Variants in LATS2 observed in about 807,000 individuals in gnomAD.
LATS2 encodes serine/threonine-protein kinase LATS2.
A neutral mutation model predicts 76.0 loss-of-function variants in LATS2; 24 were observed. The ratio of observed to expected loss-of-function variants is 0.32; its 90% CI spans 0.23 to 0.44. The LOEUF (loss-of-function observed/expected upper bound fraction) is 0.44. Among genes scored for constraint, LATS2 ranks in the 20% least tolerant of loss-of-function variants. The probability of loss-of-function intolerance (pLI) is 1.00; values close to 1 mark genes in which losing one functional copy is unlikely to be tolerated. For synonymous variants in LATS2, 692 were observed against 635.4 expected (o/e 1.09, Z -1.34); for missense variants, 1,286 against 1,481.2 (o/e 0.87, Z 2.16).
At chr13:20,992,720 G>A (rs1481540958) in intron 2 of LATS2, among the ~76,000 whole-genome samples, 1 of 152,164 alleles carries the variant, frequency 6.6e-6, no homozygotes, top group Non-Finnish European at 1.5e-5. Context: ...GGAGTCCACA[G>A]TTACCCAGAC....
chr13:21,045,775 C>A lies in LATS2; in HGVS notation c.252G>T (p.Leu84Phe). The A allele has an allele frequency of 6.2e-7, 1 of 1,614,224 alleles. No individual in the cohort carries two copies. The highest frequency in any genetic ancestry group is 8.5e-7 in the Non-Finnish European group (1 of 1,180,028). The change falls in exon 2 of 8, where the codon TTG (leucine) becomes TTT (phenylalanine). Residue 84 changes from leucine (L) to phenylalanine (F), a missense_variant. Physicochemically the swap from Leu to Phe is conservative, Grantham distance 22. This residue lies in a region of LATS2 where 101 missense variants were observed against 141.4 expected (regional missense o/e 0.71). Coordinates refer to ENST00000382592, the MANE Select transcript of LATS2 (RefSeq NM_014572.3). ...TGCCCGATTCATTAGCAAAAGGCAA[C>A]AAGGAATATCTGATTTCCCTCAAGG... ...QKALREIRYS[L>F]LPFANESGTS...
chr13:21,058,649 A>G (rs1200081426), intron 1 of LATS2, among the ~76,000 whole-genome samples: 1 of 152,240 alleles, frequency 6.6e-6, no homozygotes, highest in African/African-American at 2.4e-5. Flanking sequence ...CTATAATTCA[A>G]TGATTCTAGT....
rs373077961 is a variant in LATS2, at chr13:21,030,612, G to GAAAA, written c.342+15069_342+15072dup. 3.4e-4 allele frequency among the ~76,000 whole-genome samples: 42 copies of GAAAA among 123,930 alleles called. 5 individuals carry two copies. The highest frequency in any genetic ancestry group is 4.8e-3 in the Middle Eastern group (1 of 210). The allele number at this position is 123,930 out of a possible 152,430, so 81.3% of individuals were successfully genotyped here. On this transcript the variant is annotated intron_variant, in intron 2 of 7. Coordinates refer to ENST00000382592, the MANE Select transcript of LATS2 (RefSeq NM_014572.3). Reference sequence around the variant, plus strand: ...GTCTCAAAAAAAAAAAAAAAAAAAAGAAAAAAAAAAAGAAAAAGAACTCTA... The same window carrying GAAAA: ...GTCTCAAAAAAAAAAAAAAAAAAAAGAAAAAAAAAAAAAAAGAAAAAGAACTCTA...
chr13:21,019,429 C>T (rs1483922657), intron 2 of LATS2, among the ~76,000 whole-genome samples: 4 of 149,112 alleles, frequency 2.7e-5, no homozygotes, highest in Non-Finnish European at 4.4e-5. Context: ...CGGGTTCAAG[C>T]GATTCTCCTG....
chr13:21,020,439 T>G (rs1208386672), intron 2 of LATS2, among the ~76,000 whole-genome samples: 1 of 152,236 alleles, frequency 6.6e-6, no homozygotes, highest in Non-Finnish European at 1.5e-5. Context: ...CAGGGCAATT[T>G]ACCCAGGAAA....
At chr13:21,023,679 AAAAAC>A (rs1182874489) in intron 2 of LATS2, among the ~76,000 whole-genome samples, 262 of 6,114 alleles carry the variant, frequency 0.043, 70 homozygotes, top group South Asian at 0.11. Context: ...AAAAAAAAAA[AAAAAC>A]AAACCTCGGC....
intron 2 of LATS2, among the ~76,000 whole-genome samples, chr13:21,030,513 T>C (rs1595246305): frequency 7.3e-6 from 1 of 136,876 alleles, no homozygotes; most frequent in Admixed American, 8.4e-5. Context: ...GGCGTGAACC[T>C]GGGAAGCGGA....
At chr13:20,995,553 A>T (rs1870715307) in intron 2 of LATS2, among the ~76,000 whole-genome samples, 1 of 152,204 alleles carries the variant, frequency 6.6e-6, no homozygotes, top group Admixed American at 6.5e-5. Context: ...TGATTGAGTG[A>T]GTGACTGAGT....
intron 2 of LATS2, among the ~76,000 whole-genome samples, chr13:21,039,482 T>C (rs1872792326): frequency 1.3e-5 from 2 of 152,198 alleles, no homozygotes; most frequent in Admixed American, 6.5e-5. Context: ...GTGATGCATA[T>C]TGTTAGAATT....
intron 2 of LATS2, among the ~76,000 whole-genome samples, chr13:21,003,044 T>C (rs1188354625): frequency 6.6e-6 from 1 of 152,148 alleles, no homozygotes; most frequent in Non-Finnish European, 1.5e-5. Flanking sequence ...TCCTCAGTTT[T>C]TGTCCAAATA....
intron 2 of LATS2, among the ~76,000 whole-genome samples, chr13:21,015,674 C>G (rs889972650): frequency 2.0e-5 from 3 of 152,134 alleles, no homozygotes; most frequent in Non-Finnish European, 4.4e-5. Context: ...CCATTTACCT[C>G]TTTATATCAG....
At chr13:20,992,987 G>A (rs1870572599) in intron 2 of LATS2, among the ~76,000 whole-genome samples, 1 of 137,782 alleles carries the variant, frequency 7.3e-6, no homozygotes, top group Non-Finnish European at 1.5e-5. Context: ...AGTGAGCCGA[G>A]ATCACGCCAC....
intron 4 of LATS2, among the ~76,000 whole-genome samples, chr13:20,987,273 G>A (rs1218361198): frequency 2.6e-5 from 4 of 151,768 alleles, no homozygotes; most frequent in South Asian, 2.1e-4. Flanking sequence ...CAGTGAATAC[G>A]GGACACTGAA....
chr13:21,038,122 C>T (rs1412196927), intron 2 of LATS2, among the ~76,000 whole-genome samples: 2 of 152,058 alleles, frequency 1.3e-5, no homozygotes, highest in African/African-American at 4.8e-5. Flanking sequence ...CGAAACAAAA[C>T]AAATCAGACT....
At chr13:21,061,226 C>A (rs1246940970) in intron 1 of LATS2, 120 bp downstream of exon 1, 2 of 151,968 alleles carry the variant, frequency 1.3e-5, no homozygotes, top group Non-Finnish European at 2.9e-5. Flanking sequence ...CCCCGCCGGG[C>A]GCCCTTCCCG....
intron 2 of LATS2, among the ~76,000 whole-genome samples, chr13:21,007,767 T>A (rs1348135862): frequency 2.4e-4 from 13 of 54,506 alleles, no homozygotes; most frequent in African/African-American, 8.8e-4. Flanking sequence ...TATATTTTTT[T>A]TTTTTTTTTG....
intron 2 of LATS2, among the ~76,000 whole-genome samples, chr13:21,018,609 G>C (rs1871906515): frequency 6.6e-6 from 1 of 152,164 alleles, no homozygotes; most frequent in African/African-American, 2.4e-5. Flanking sequence ...GCCTGAGAGT[G>C]ACATGCTGTT....
chr13:21,042,468 G>A lies in LATS2; in HGVS notation c.342+3217C>T, dbSNP rs372824007. Among the ~76,000 whole-genome samples, 3 of 152,116 alleles carry A rather than the reference G, an allele frequency of 2.0e-5. 1 individual carries two copies. Among genetic ancestry groups the A allele is most frequent in the South Asian group, 4.1e-4 (2 of 4,826 alleles). ...TCCAGCACTTTTGGAGGTTAAGGCC[G>A]CTTGAGTCTGGAAGTTCCAGTCCAG... is the stretch of plus-strand genomic sequence containing the variant. On this transcript the variant is annotated intron_variant, in intron 2 of 7. Coordinates refer to ENST00000382592, the MANE Select transcript of LATS2 (RefSeq NM_014572.3).
At position 21,019,668 on chromosome 13, in the gene LATS2, C is replaced by CA. The variant is rs1281059777; in HGVS notation, c.342+26016dup. ...GGATTTGTTATTATTTTTAATCTCT[C>CA]AAAAAAAAAAAAAAAAAAAAGGCGG... On this transcript the variant is annotated intron_variant, in intron 2 of 7. Coordinates refer to ENST00000382592, the MANE Select transcript of LATS2 (RefSeq NM_014572.3). Among the ~76,000 whole-genome samples the CA allele has an allele frequency of 7.2e-3, 622 of 86,590 alleles. 2 individuals carry two copies. Among genetic ancestry groups the CA allele is most frequent in the African/African-American group, 0.021 (490 of 22,914 alleles). The allele number at this position is 86,590 out of a possible 152,430, so 56.8% of individuals were successfully genotyped here.
Sources: gnomAD v4.1 joint callset for allele counts (sites outside exome capture counted in the v4.1 genomes callset) on GRCh38, gnomAD v4.1.1 for gene constraint, gnomAD v4.1.1 regional missense constraint, MANE v1.5 for transcripts, NCBI Gene and HGNC (gene_info 2026-07-23, HGNC 2026-07-21) for gene names.